Variants in TOMM40L observed in about 807,000 individuals in gnomAD.
TOMM40L encodes the protein mitochondrial import receptor subunit TOM40B.
Under a neutral mutation model 38.3 loss-of-function variants are expected in TOMM40L, and 17 were observed. That is an observed-to-expected ratio of 0.44 (90% CI 0.30 to 0.67). The LOEUF is 0.67. TOMM40L is among the 30% of genes least tolerant of loss of function. The pLI, the probability that TOMM40L is intolerant of heterozygous loss-of-function variation, is 0.08. For missense variants in TOMM40L, 294 were observed against 390.0 expected (o/e 0.75, Z 2.07); for synonymous variants, 151 against 150.2 (o/e 1.01, Z -0.04).
At position 161,227,490 on chromosome 1, in the gene TOMM40L, G is replaced by C; in HGVS notation, c.276+140G>C. On this transcript the variant is annotated intron_variant, in intron 4 of 9. Coordinates refer to ENST00000367988, the MANE Select transcript of TOMM40L (RefSeq NM_032174.6). ...TGTCTTTTCTGAATGAGAGAGGGTA[G>C]AGAAACATTTTCTGTGAAGAGCCCA... 10 of 1,057,930 alleles carry C rather than the reference G, an allele frequency of 9.5e-6. No homozygotes were observed. In the South Asian group the frequency reaches 1.3e-4, roughly 14 times the overall value. The allele number at this position is 1,057,930 out of a possible 1,614,324, so 65.5% of individuals were successfully genotyped here.
Position 161,230,675 on chromosome 1 carries a change from CA to C in TOMM40L, c.*1581del, listed in dbSNP as rs1357842833. 9.1e-6 allele frequency: 10 copies of C among 1,093,120 alleles called. No individual in the cohort carries two copies. The highest frequency in any genetic ancestry group is 1.6e-5 in the African/African-American group (1 of 64,204). 67.7% of individuals were successfully genotyped at this position (1,093,120 alleles called of 1,614,324 possible). A position where few individuals can be genotyped will look rare whatever the true frequency, so the allele number is the denominator to read the frequency against. ...TGAAACGATGTGAGACAGGGATGGC[CA>C]GGGGGAAGGACTAGACCCCACGATA... On this transcript the variant is annotated 3_prime_UTR_variant, in exon 10 of 10. Coordinates refer to ENST00000367988, the MANE Select transcript of TOMM40L (RefSeq NM_032174.6).
rs1472014648 is a variant in TOMM40L, at chr1:161,227,982, G to A, written c.477G>A (p.Gly159=). The change falls in exon 6 of 10, where the codon GGG becomes GGA. Residue 159 remains glycine (G), a synonymous_variant. Transcript: ENST00000367988. ...CCCTAGGAAATCCTGACCTGATTGG[G>A]GAGTCGGGTGAGGAACTGGGACAGG... ...TLTLGNPDLI[G]ESVIMVAHFL... 4 of 1,614,050 alleles carry A rather than the reference G, an allele frequency of 2.5e-6. No homozygotes were observed. In the East Asian group the frequency reaches 6.7e-5, roughly 27 times the overall value.
At position 161,229,335 on chromosome 1, in the gene TOMM40L, G is replaced by C. The variant is rs1666615360; in HGVS notation, c.*240G>C. The C allele has an allele frequency of 1.6e-6, 1 of 635,916 alleles. No individual in the cohort carries two copies. 39.4% of individuals were successfully genotyped at this position (635,916 alleles called of 1,614,324 possible). ...CCAGTATCACCTTCCCCATGCTCTT[G>C]TGGCTGTGGACTAAGGGAGAAGGAT... On this transcript the variant is annotated 3_prime_UTR_variant, in exon 10 of 10. Transcript: ENST00000367988.
chr1:161,228,566 G>T, intron 8 of TOMM40L, 62 bp downstream of exon 8: 1 of 1,590,382 alleles, frequency 6.3e-7, no homozygotes, highest in South Asian at 1.1e-5. Flanking sequence ...CTGTTCATCT[G>T]GACCTCTATC....
chr1:161,229,639 T>C lies in TOMM40L; in HGVS notation c.*544T>C. On this transcript the variant is annotated 3_prime_UTR_variant, in exon 10 of 10. Transcript: ENST00000367988. ...ACTTTGTTCCTATGGTCACCCCCAC[T>C]ATCCCCATGACCGCATGAAGAGGCA... 1 of 1,612,628 alleles carries C rather than the reference T, an allele frequency of 6.2e-7. No individual in the cohort carries two copies. Among genetic ancestry groups the C allele is most frequent in the Non-Finnish European group, 8.5e-7 (1 of 1,179,602 alleles).
At position 161,228,743 on chromosome 1, in the gene TOMM40L, A is replaced by G. The variant is rs1455036018; in HGVS notation, c.713A>G (p.Asn238Ser). The G allele has an allele frequency of 6.2e-7, 1 of 1,614,080 alleles. No individual in the cohort carries two copies. The highest frequency in any genetic ancestry group is 1.7e-5 in the Admixed American group (1 of 60,016). The change falls in exon 9 of 10, where the codon AAC becomes AGC. Residue 238 changes from asparagine to serine, a missense_variant. Transcript: ENST00000367988. Reference sequence around the variant, plus strand: ...CAGGTTGGAGTGGAGTTTGAGGCAAACACAAGGCTACAAGACACAACATTC... The same window carrying G: ...CAGGTTGGAGTGGAGTTTGAGGCAAGCACAAGGCTACAAGACACAACATTC... ...QVQVGVEFEA[N>S]TRLQDTTFSF...
chr1:161,229,751 T>A lies in TOMM40L; in HGVS notation c.*656T>A. 6.2e-7 allele frequency: 1 copy of A among 1,614,208 alleles called. No homozygotes were observed. The highest frequency in any genetic ancestry group is 2.2e-5 in the East Asian group (1 of 44,880). On this transcript the variant is annotated 3_prime_UTR_variant, in exon 10 of 10. Coordinates refer to ENST00000367988, the MANE Select transcript of TOMM40L (RefSeq NM_032174.6). ...GTCCCAGCATTTTCCCACTCCAGTG[T>A]ATCCAGGGTGTTCCAGGTGAGCTGG...
chr1:161,226,862 T>TCCTTC (rs1666379532), intron 2 of TOMM40L, 26 bp from the exon 3 acceptor site: 1 of 1,612,826 alleles, frequency 6.2e-7, no homozygotes, highest in African/African-American at 1.3e-5. Context: ...CTGTGCTTAT[T>TCCTTC]CCTTCCCTTC....
At position 161,227,245 on chromosome 1, in the gene TOMM40L, C is replaced by T. The variant is rs1171668314; in HGVS notation, c.184-13C>T. The T allele has an allele frequency of 5.0e-6, 8 of 1,613,418 alleles. No homozygotes were observed. Among genetic ancestry groups the T allele is most frequent in the Non-Finnish European group, 5.9e-6 (7 of 1,179,480 alleles). On this transcript the variant is annotated splice_polypyrimidine_tract_variant and intron_variant, in intron 3 of 9. Coordinates refer to ENST00000367988, the MANE Select transcript of TOMM40L (RefSeq NM_032174.6). ...GGAATGCGCTTTTCTCCACTGAATC[C>T]TCTTTTCCTCAGGTGGCGCACACTA...
At position 161,228,832 on chromosome 1, in the gene TOMM40L, G is replaced by A. The variant is rs1449223841; in HGVS notation, c.787+15G>A. 1.9e-6 allele frequency: 3 copies of A among 1,614,042 alleles called. No individual in the cohort carries two copies. The highest frequency in any genetic ancestry group is 2.2e-5 in the South Asian group (2 of 91,088). ...GGTATTTAGAGGTGAGGGTTATTGG[G>A]AGACATTTGGCTATCCTGAGGAATG... On this transcript the variant is annotated intron_variant, in intron 9 of 9. Coordinates refer to ENST00000367988, the MANE Select transcript of TOMM40L (RefSeq NM_032174.6).
chr1:161,228,406 C>G (rs1432307922), intron 7 of TOMM40L, 22 bp from the exon 8 acceptor site: 3 of 1,614,014 alleles, frequency 1.9e-6, no homozygotes, highest in African/African-American at 2.7e-5. Flanking sequence ...ACTCCTTCCC[C>G]TCTGTACTTT....
chr1:161,228,627 C>A, intron 8 of TOMM40L, 88 bp from the exon 9 acceptor site: 1 of 1,555,342 alleles, frequency 6.4e-7, no homozygotes, highest in Non-Finnish European at 8.9e-7. Flanking sequence ...TATTTACATG[C>A]ATGCCTCCAT....
rs990787802 is a variant in TOMM40L at position 161,230,104 on chromosome 1, C to T, written c.*1009C>T. On this transcript the variant is annotated 3_prime_UTR_variant, in exon 10 of 10. Transcript: ENST00000367988. ...AGGTTCCAAAGGTCCTCCAGGGGGCCTCGGTCTGACACTGTCTTCTCTCAC... is the reference window on the plus strand; with the variant it reads ...AGGTTCCAAAGGTCCTCCAGGGGGCTTCGGTCTGACACTGTCTTCTCTCAC... 1.5e-6 allele frequency: 1 copy of T among 668,750 alleles called. No homozygotes were observed. Among genetic ancestry groups the T allele is most frequent in the Admixed American group, 3.0e-5 (1 of 33,222 alleles). 41.4% of individuals were successfully genotyped at this position (668,750 alleles called of 1,614,324 possible). A position where few individuals can be genotyped will look rare whatever the true frequency, so the allele number is the denominator to read the frequency against.
intron 9 of TOMM40L, 40 bp from the exon 10 acceptor site, chr1:161,228,916 C>T (rs774427073): frequency 6.2e-7 from 1 of 1,613,952 alleles, no homozygotes; most frequent in Non-Finnish European, 8.5e-7. Context: ...TTCCTCCAAT[C>T]CCTGTTAAAT....
Position 161,230,150 on chromosome 1 carries a change from C to T in TOMM40L, c.*1055C>T. 1.8e-6 allele frequency: 1 copy of T among 542,594 alleles called. No individual in the cohort carries two copies. The highest frequency in any genetic ancestry group is 1.9e-5 in the African/African-American group (1 of 52,614). 33.6% of individuals were successfully genotyped at this position (542,594 alleles called of 1,614,324 possible). On this transcript the variant is annotated 3_prime_UTR_variant, in exon 10 of 10. Transcript: ENST00000367988. Reference sequence around the variant, plus strand: ...CTCACCATGCTCAGTTTTTTCTGAACCCAGAGCTCTGAGAGCCGAGTGTGA... The same window carrying T: ...CTCACCATGCTCAGTTTTTTCTGAATCCAGAGCTCTGAGAGCCGAGTGTGA...
rs150543962 is a variant in TOMM40L, at chr1:161,229,385, G to A, written c.*290G>A. On this transcript the variant is annotated 3_prime_UTR_variant, in exon 10 of 10. Transcript: ENST00000367988. ...TTAAGGGGTATGGCTGAATTCCCCC[G>A]GCACCCCTTGCCCTCAGGCTTCCTT... 124 of 609,674 alleles carry A rather than the reference G, an allele frequency of 2.0e-4. No homozygotes were observed. The highest frequency in any genetic ancestry group is 1.9e-3 in the East Asian group (66 of 35,408). The allele number at this position is 609,674 out of a possible 1,614,324, so 37.8% of individuals were successfully genotyped here.
chr1:161,228,120 G>A (rs1410941495), intron 6 of TOMM40L, 66 bp from the exon 7 acceptor site: 8 of 1,577,188 alleles, frequency 5.1e-6, no homozygotes, highest in Admixed American at 3.6e-5. Flanking sequence ...GCGGTTATTG[G>A]GAGTGAGGGA....
rs780012355 is a variant in TOMM40L, at chr1:161,228,229, G to A, written c.528G>A (p.Leu176=). ...AHFLQSLTHR[L]VLGGELVYHR... Reference sequence around the variant, plus strand: ...TCCTGCAGAGCCTCACTCATCGGCTGGTGCTGGGAGGAGAGCTAGTTTATC... The same window carrying A: ...TCCTGCAGAGCCTCACTCATCGGCTAGTGCTGGGAGGAGAGCTAGTTTATC... The change falls in exon 7 of 10, where the codon CTG becomes CTA. Residue 176 remains leucine, a synonymous_variant. Coordinates refer to ENST00000367988, the MANE Select transcript of TOMM40L (RefSeq NM_032174.6). 6.8e-6 allele frequency: 11 copies of A among 1,606,312 alleles called. No individual in the cohort carries two copies. Among genetic ancestry groups the A allele is most frequent in the Non-Finnish European group, 9.4e-6 (11 of 1,175,476 alleles).
At position 161,228,316 on chromosome 1, in the gene TOMM40L, G is replaced by A. The variant is rs1403167181; in HGVS notation, c.607+8G>A. The A allele has an allele frequency of 6.2e-7, 1 of 1,607,130 alleles. No homozygotes were observed. The highest frequency in any genetic ancestry group is 2.2e-5 in the East Asian group (1 of 44,786). The stretch of plus-strand genomic sequence containing the variant: ...TGGCTGGGAAGTACTCGGGTATGGG[G>A]CGAAGTGAAGTAGTGGTGGTGGTGG... On this transcript the variant is annotated splice_region_variant and intron_variant, in intron 7 of 9. Coordinates refer to ENST00000367988, the MANE Select transcript of TOMM40L (RefSeq NM_032174.6).
Sources: allele counts gnomAD v4.1 joint callset, GRCh38; gene constraint gnomAD v4.1.1; transcripts MANE v1.5; gene names NCBI Gene and HGNC (gene_info 2026-07-23, HGNC 2026-07-21).